The following KSR2 variants were observed in gnomAD, a reference collection of about 807,000 sequenced individuals.
KSR2 encodes the protein kinase suppressor of ras 2.
Under a neutral mutation model 107.8 loss-of-function variants are expected in KSR2, and 25 were observed. The ratio of observed to expected loss-of-function variants is 0.23; its 90% confidence interval spans 0.17 to 0.32. The LOEUF is 0.32. KSR2 is among the 10% of genes least tolerant of loss of function. KSR2 has a pLI of 1.00. For missense variants in KSR2, 887 were observed against 1,268.9 expected (o/e 0.70, Z 4.57); for synonymous variants, 480 against 507.0 (o/e 0.95, Z 0.71).
At chr12:117,656,981 GATATATATATATATAT>G (rs59605571) in intron 5 of KSR2, among the ~76,000 whole-genome samples, 86 of 98,204 alleles carry the variant, frequency 8.8e-4, no homozygotes, top group African/African-American at 3.4e-3. Flanking sequence ...TATATAATAG[GATATATATATATATAT>G]ATATATATAT....
intron 4 of KSR2, among the ~76,000 whole-genome samples, chr12:117,695,112 G>T (rs989641766): frequency 2.6e-5 from 4 of 151,976 alleles, no homozygotes; most frequent in African/African-American, 9.7e-5. Context: ...GCCTCCCAAA[G>T]TGCTAGGATT....
intron 14 of KSR2, among the ~76,000 whole-genome samples, chr12:117,506,163 C>T (rs1026693652): frequency 2.0e-5 from 3 of 152,172 alleles, no homozygotes; most frequent in African/African-American, 7.2e-5. Flanking sequence ...TGATCCTCTA[C>T]CACTAAGAAA....
intron 4 of KSR2, among the ~76,000 whole-genome samples, chr12:117,734,507 T>C (rs1327910615): frequency 1.3e-5 from 2 of 152,142 alleles, no homozygotes; most frequent in Non-Finnish European, 2.9e-5. Flanking sequence ...CCTCCAAGAC[T>C]ATTCCAAGTT....
At chr12:117,479,866 C>A (rs2137130945) in intron 16 of KSR2, among the ~76,000 whole-genome samples, 1 of 152,196 alleles carries the variant, frequency 6.6e-6, no homozygotes, top group South Asian at 2.1e-4. Flanking sequence ...AGCTATGGAA[C>A]CTTGAGCAGA....
intron 4 of KSR2, among the ~76,000 whole-genome samples, chr12:117,705,400 A>G (rs1431066163): frequency 6.6e-6 from 1 of 152,240 alleles, no homozygotes; most frequent in African/African-American, 2.4e-5. Context: ...GGAGCCTGGA[A>G]TCAGAGACAC....
intron 5 of KSR2, among the ~76,000 whole-genome samples, chr12:117,628,874 A>T (rs931190534): frequency 1.4e-4 from 21 of 152,232 alleles, no homozygotes; most frequent in African/African-American, 4.8e-4. Flanking sequence ...CGAGCTTCCC[A>T]GCTGCTTTGT....
intron 1 of KSR2, among the ~76,000 whole-genome samples, chr12:117,948,576 A>G (rs1263567414): frequency 6.6e-6 from 1 of 152,208 alleles, no homozygotes; most frequent in African/African-American, 2.4e-5. Context: ...TCAGTGGGAC[A>G]GGATAGAGTC....
At chr12:117,699,601 A>G (rs921648584) in intron 4 of KSR2, among the ~76,000 whole-genome samples, 2 of 152,226 alleles carry the variant, frequency 1.3e-5, no homozygotes, top group African/African-American at 4.8e-5. Context: ...GAAAAGGTAC[A>G]GGCAAAATAC....
At chr12:117,713,092 A>T (rs1197339375) in intron 4 of KSR2, among the ~76,000 whole-genome samples, 1 of 149,948 alleles carries the variant, frequency 6.7e-6, no homozygotes, top group African/African-American at 2.4e-5. Context: ...ATAGATATAG[A>T]TAGATATTTG....
rs76322197 is a variant in KSR2, at chr12:117,549,910, C to T, written c.1518+5259G>A. On this transcript the variant is annotated intron_variant, in intron 9 of 19. Coordinates refer to ENST00000339824, the MANE Select transcript of KSR2 (RefSeq NM_173598.6). ...CTCTTTGAGGACAGACTCATTAATA[C>T]GTATGGTACTCACTTATCCTGGCAG... 3.1e-3 allele frequency among the ~76,000 whole-genome samples: 477 copies of T among 152,264 alleles called. 3 individuals are homozygous for T. The highest frequency in any genetic ancestry group is 0.011 in the African/African-American group (458 of 41,536).
At chr12:117,555,954 C>CTGT (rs55744572) in intron 8 of KSR2, among the ~76,000 whole-genome samples, 14,515 of 151,290 alleles carry the variant, frequency 0.096, 813 homozygotes, top group African/African-American at 0.16. Flanking sequence ...TACTTGTTAG[C>CTGT]TGTTGTTGTT....
intron 14 of KSR2, among the ~76,000 whole-genome samples, chr12:117,512,401 A>T (rs1480440098): frequency 1.3e-5 from 2 of 152,062 alleles, no homozygotes; most frequent in East Asian, 3.9e-4. Flanking sequence ...CTTTCCCCTA[A>T]CAAAGCTGCT....
At chr12:117,716,991 T>C (rs1887009912) in intron 4 of KSR2, among the ~76,000 whole-genome samples, 1 of 152,244 alleles carries the variant, frequency 6.6e-6, no homozygotes, top group African/African-American at 2.4e-5. Context: ...TGCTCATAGT[T>C]TGACTTTTCA....
chr12:117,483,300 T>C (rs948759836), intron 16 of KSR2, among the ~76,000 whole-genome samples: 2 of 152,004 alleles, frequency 1.3e-5, no homozygotes, highest in African/African-American at 2.4e-5. Flanking sequence ...GTCCAACTTA[T>C]AACAGATTCA....
At chr12:117,868,245 T>C (rs1893539955) in intron 1 of KSR2, among the ~76,000 whole-genome samples, 1 of 152,018 alleles carries the variant, frequency 6.6e-6, no homozygotes, top group Non-Finnish European at 1.5e-5. Context: ...CTGGTCAACA[T>C]AGTGAAACCC....
At chr12:117,753,871 T>C (rs1340904375) in intron 4 of KSR2, among the ~76,000 whole-genome samples, 1 of 151,628 alleles carries the variant, frequency 6.6e-6, no homozygotes. Context: ...TATTTCCCAC[T>C]GTCTTCATCA....
intron 1 of KSR2, among the ~76,000 whole-genome samples, chr12:117,874,831 C>A (rs907021281): frequency 2.6e-5 from 4 of 151,988 alleles, no homozygotes; most frequent in South Asian, 4.2e-4. Context: ...AAAAAAAAAA[C>A]CCAAAGGTTC....
rs78540531 is a variant in KSR2 at position 117,732,904 on chromosome 12, C to G, written c.986+28107G>C. 2.9e-3 allele frequency among the ~76,000 whole-genome samples: 447 copies of G among 152,172 alleles called. 15 individuals are homozygous for G. The East Asian group carries it at 0.063, about 21-fold the overall frequency. On this transcript the variant is annotated intron_variant, in intron 4 of 19. Transcript: ENST00000339824. Reference sequence around the variant, plus strand: ...GAGGAGATGCATGCAGAGCAGTGCCCCGCCCTGCGAGAGGGTCCAGGGCTC... The same window carrying G: ...GAGGAGATGCATGCAGAGCAGTGCCGCGCCCTGCGAGAGGGTCCAGGGCTC...
intron 14 of KSR2, among the ~76,000 whole-genome samples, chr12:117,498,653 T>C (rs182815287): frequency 1.1e-3 from 160 of 152,194 alleles, no homozygotes; most frequent in African/African-American, 3.7e-3. Context: ...GAATTGTAGC[T>C]CCCATAATCC....
Sources: allele counts gnomAD v4.1 joint callset (sites outside exome capture counted in the v4.1 genomes callset), GRCh38; gene constraint gnomAD v4.1.1; transcripts MANE v1.5; gene names NCBI Gene and HGNC (gene_info 2026-07-23, HGNC 2026-07-21).